The following AFMID variants were observed in gnomAD, a reference collection of about 807,000 sequenced individuals.
AFMID encodes arylformamidase.
In AFMID, 39 loss-of-function variants were observed where a neutral mutation model predicts 47.5. The observed-to-expected ratio is 0.82, with a 90% CI of 0.64 to 1.07. AFMID has a LOEUF of 1.07. Ranked by LOEUF, AFMID falls within the 50% of genes least tolerant of loss-of-function variation. The pLI is 0.00. For missense variants in AFMID, 375 were observed against 387.5 expected (o/e 0.97, Z 0.27); for synonymous variants, 130 against 153.2 (o/e 0.85, Z 1.12).
intron 2 of AFMID, chr17:78,192,752 G>A (rs2076006278): frequency 7.0e-6 from 3 of 428,186 alleles, no homozygotes; most frequent in Non-Finnish European, 1.5e-5. Flanking sequence ...CATCCGTGCT[G>A]GGATGGGGAG....
At chr17:78,202,930 G>T in intron 4 of AFMID, 179 bp downstream of exon 4, 1 of 746,138 alleles carries the variant, frequency 1.3e-6, no homozygotes, top group Non-Finnish European at 2.2e-6. Context: ...CCTAGGGAGG[G>T]TCCTTCCTGC....
At chr17:78,194,974 G>GGA (rs2076073421) in intron 2 of AFMID, among the ~76,000 whole-genome samples, 1 of 151,818 alleles carries the variant, frequency 6.6e-6, no homozygotes, top group African/African-American at 2.4e-5. Flanking sequence ...GATTACAGGC[G>GGA]TGAGCCACCG....
rs565572745 is a variant in AFMID at position 78,189,367 on chromosome 17, C to T, written c.64-1603C>T. Among the ~76,000 whole-genome samples, 298 of 150,546 alleles carry T rather than the reference C, an allele frequency of 2.0e-3. 3 individuals carry two copies. Among genetic ancestry groups the T allele is most frequent in the African/African-American group, 7.0e-3 (286 of 40,972 alleles). On this transcript the variant is annotated intron_variant, in intron 1 of 10. Coordinates refer to ENST00000409257, the MANE Select transcript of AFMID (RefSeq NM_001010982.5). ...CCTCCCGAGTAGCTGAGATTACGGG[C>T]GCCCGCCACCATGCCCAGCTAATTT... is the stretch of plus-strand genomic sequence containing the variant.
intron 2 of AFMID, among the ~76,000 whole-genome samples, chr17:78,195,897 G>A (rs546720033): frequency 3.3e-5 from 5 of 152,142 alleles, no homozygotes; most frequent in African/African-American, 1.2e-4. Context: ...CCAGGCTGGA[G>A]TGCAGTGGCA....
At chr17:78,201,518 C>G (rs991964434) in intron 2 of AFMID, among the ~76,000 whole-genome samples, 3 of 152,032 alleles carry the variant, frequency 2.0e-5, no homozygotes, top group Non-Finnish European at 4.4e-5. Context: ...ACTCAGGAGG[C>G]TGAGGCTGGA....
chr17:78,187,551 C>A (rs2075828025), intron 1 of AFMID, 118 bp downstream of exon 1: 2 of 1,084,436 alleles, frequency 1.8e-6, no homozygotes, highest in South Asian at 1.4e-5. Context: ...GCATGCAGAG[C>A]GCCTAGTGCG....
At position 78,204,750 on chromosome 17, in the gene AFMID, A is replaced by C. The variant is rs1322148549; in HGVS notation, c.394+9A>C. On this transcript the variant is annotated intron_variant, in intron 5 of 10. Transcript: ENST00000409257. ...CGGCATCGCCCCCAAAGGTAATAGG[A>C]GTGGTTGCTGCAGGTCCGAGGGCCG... 3.1e-6 allele frequency: 5 copies of C among 1,614,046 alleles called. No homozygotes were observed. The highest frequency in any genetic ancestry group is 3.4e-6 in the Non-Finnish European group (4 of 1,180,018).
At chr17:78,194,782 C>T (rs144911341) in intron 2 of AFMID, among the ~76,000 whole-genome samples, 11,784 of 152,204 alleles carry the variant, frequency 0.077, 824 homozygotes, top group African/African-American at 0.19. Flanking sequence ...GCAACCTCCG[C>T]CTCCCAGGTT....
intron 10 of AFMID, among the ~76,000 whole-genome samples, chr17:78,206,636 C>CCTT (rs56013079): frequency 2.0e-5 from 3 of 150,248 alleles, no homozygotes; most frequent in South Asian, 4.2e-4. Context: ...TCGTCGTCTT[C>CCTT]CTTCTTCTTC....
At chr17:78,198,652 A>AT in intron 2 of AFMID, among the ~76,000 whole-genome samples, 1 of 121,578 alleles carries the variant, frequency 8.2e-6, no homozygotes, top group East Asian at 3.0e-4. Context: ...AAAAAAAAAA[A>AT]AAAAAAATTA....
Position 78,200,637 on chromosome 17 carries a change from G to A in AFMID, c.155-1862G>A, listed in dbSNP as rs115644273. Among the ~76,000 whole-genome samples, 353 of 152,284 alleles carry A rather than the reference G, an allele frequency of 2.3e-3. 2 individuals carry two copies. The highest frequency in any genetic ancestry group is 8.0e-3 in the African/African-American group (332 of 41,584). ...AAGAGGCAGAGGTGACTGGAGTGAC[G>A]TAGCCCCAGGCCTTGGAACGCCTGG... On this transcript the variant is annotated intron_variant, in intron 2 of 10. Transcript: ENST00000409257.
In AFMID at chr17:78,205,595, C is replaced by T; in HGVS notation, c.645-8C>T. 1 of 1,613,898 alleles carries T rather than the reference C, an allele frequency of 6.2e-7. No homozygotes were observed. Among genetic ancestry groups the T allele is most frequent in the Non-Finnish European group, 8.5e-7 (1 of 1,179,870 alleles). On this transcript the variant is annotated splice_region_variant and splice_polypyrimidine_tract_variant and intron_variant, in intron 8 of 10. Coordinates refer to ENST00000409257, the MANE Select transcript of AFMID (RefSeq NM_001010982.5). ...TCTGTCCTGACCCCTGTCCACTCCC[C>T]ACCCCAGGGAGGACGCTCAGAGGAA...
At chr17:78,205,252 G>C (rs904921647) in intron 7 of AFMID, 62 bp downstream of exon 7, 8 of 1,523,852 alleles carry the variant, frequency 5.2e-6, no homozygotes, top group Non-Finnish European at 5.4e-6. Flanking sequence ...CTTGGGGTTT[G>C]GGCCAACTGC....
Position 78,205,702 on chromosome 17 carries a change from C to T in AFMID, c.744C>T (p.Ser248=). 1 of 1,611,748 alleles carries T rather than the reference C, an allele frequency of 6.2e-7. No individual in the cohort carries two copies. Among genetic ancestry groups the T allele is most frequent in the Non-Finnish European group, 8.5e-7 (1 of 1,180,018 alleles). ...RVLVVVGQFD[S]PEFHRQSWEF... is the part of the protein sequence containing the mutation. ...TGGTGGTCGTGGGCCAGTTCGACTC[C>T]CCCGAATTCCACCGACAGTCCTGGG... is the stretch of plus-strand genomic sequence containing the variant. The change falls in exon 9 of 11, where the codon TCC becomes TCT. Residue 248 remains serine, a synonymous_variant. Coordinates refer to ENST00000409257, the MANE Select transcript of AFMID (RefSeq NM_001010982.5).
At position 78,202,683 on chromosome 17, in the gene AFMID, C is replaced by T. The variant is rs1420057063; in HGVS notation, c.260-20C>T. 2 of 1,564,570 alleles carry T rather than the reference C, an allele frequency of 1.3e-6. No individual in the cohort carries two copies. The highest frequency in any genetic ancestry group is 1.2e-5 in the South Asian group (1 of 85,494). On this transcript the variant is annotated intron_variant, in intron 3 of 10. Transcript: ENST00000409257. ...CAGCAGGGCGGGCCTTGCTCACACG[C>T]CCTGTGCTTGGTTTTGCAGCCTTGC...
chr17:78,205,768 G>A, intron 9 of AFMID, 30 bp downstream of exon 9: 3 of 1,606,568 alleles, frequency 1.9e-6, no homozygotes, highest in Non-Finnish European at 2.5e-6. Flanking sequence ...GTGGCCAGAG[G>A]TCGAGGGTCA....
At chr17:78,199,040 C>G (rs558563421) in intron 2 of AFMID, among the ~76,000 whole-genome samples, 8 of 152,334 alleles carry the variant, frequency 5.3e-5, no homozygotes, top group Non-Finnish European at 1.2e-4. Context: ...CTCATCTGTA[C>G]GTAGATAGCT....
At chr17:78,192,541 C>T (rs958814546) in intron 2 of AFMID, 2 of 443,938 alleles carry the variant, frequency 4.5e-6, no homozygotes, top group South Asian at 1.6e-5. Flanking sequence ...CTCAAACTCC[C>T]GACCTCAGGT....
chr17:78,187,428 G>C lies in AFMID; in HGVS notation c.58G>C (p.Ala20Pro). 6.2e-7 allele frequency: 1 copy of C among 1,614,030 alleles called. No individual in the cohort carries two copies. Among genetic ancestry groups the C allele is most frequent in the Non-Finnish European group, 8.5e-7 (1 of 1,179,974 alleles). ...PSKVPWKKMS[A>P]EELENQYCPS... ...CAAGGTTCCTTGGAAGAAGATGTCT[G>C]CAGAGGTAGGTGGATTGCAGGGAGG... Residue 20 changes from alanine to proline, a missense_variant, in exon 1 of 11, where the codon GCA becomes CCA. Physicochemically the swap from Ala to Pro is conservative, Grantham distance 27 (BLOSUM62 -1). Coordinates refer to ENST00000409257, the MANE Select transcript of AFMID (RefSeq NM_001010982.5).
Sources: gnomAD v4.1 joint callset for allele counts (sites outside exome capture counted in the v4.1 genomes callset) on GRCh38, gnomAD v4.1.1 for gene constraint, MANE v1.5 for transcripts, NCBI Gene and HGNC (gene_info 2026-07-23, HGNC 2026-07-21) for gene names.